NEK1: variants seen among roughly 807,000 people sequenced by gnomAD.
The protein encoded by NEK1 is serine/threonine-protein kinase Nek1.
In NEK1, 137 loss-of-function variants were observed where a neutral mutation model predicts 182.1. The observed-to-expected ratio is 0.75, with a 90% CI of 0.65 to 0.87. The LOEUF (loss-of-function observed/expected upper bound fraction) is 0.87, where lower values mean the gene tolerates loss of function less well. NEK1 is among the 40% of genes least tolerant of loss of function. The pLI is 0.00. For missense variants in NEK1, 1,391 were observed against 1,494.4 expected (o/e 0.93, Z 1.14); for synonymous variants, 513 against 492.2 (o/e 1.04, Z -0.56).
chr4:169,562,724 T>G (rs1407609987), intron 12 of NEK1, among the ~76,000 whole-genome samples: 1 of 152,168 alleles, frequency 6.6e-6, no homozygotes, highest in Non-Finnish European at 1.5e-5. Context: ...TTTACATACA[T>G]GTAATATTAA....
At chr4:169,468,933 T>C (rs1745425595) in intron 26 of NEK1, among the ~76,000 whole-genome samples, 1 of 152,236 alleles carries the variant, frequency 6.6e-6, no homozygotes, top group African/African-American at 2.4e-5. Context: ...TCTCTGATGG[T>C]AGTCTGTATT....
chr4:169,451,053 T>A lies in NEK1; in HGVS notation c.2587+12190A>T, dbSNP rs190796118. Among the ~76,000 whole-genome samples the A allele has an allele frequency of 6.4e-3, 973 of 152,286 alleles. 12 individuals carry two copies. Among genetic ancestry groups the A allele is most frequent in the African/African-American group, 0.023 (936 of 41,550 alleles). On this transcript the variant is annotated intron_variant, in intron 27 of 35. Coordinates refer to ENST00000507142, the MANE Select transcript of NEK1 (RefSeq NM_001199397.3). The stretch of plus-strand genomic sequence containing the variant: ...AGAGACAAAGAAGGCCATTACATAA[T>A]GGTAAAGGGATCAATGCAACAAGAA...
intron 19 of NEK1, among the ~76,000 whole-genome samples, chr4:169,514,931 C>T (rs983979357): frequency 6.6e-6 from 1 of 151,954 alleles, no homozygotes; most frequent in African/African-American, 2.4e-5. Flanking sequence ...TAGGAATTTA[C>T]AGTGATTTGA....
At chr4:169,504,062 A>G (rs1017003757) in intron 23 of NEK1, among the ~76,000 whole-genome samples, 2 of 152,186 alleles carry the variant, frequency 1.3e-5, no homozygotes, top group African/African-American at 4.8e-5. Context: ...AAAATGGGCA[A>G]AAGATCTAAA....
intron 18 of NEK1, among the ~76,000 whole-genome samples, chr4:169,545,093 T>C (rs1444958217): frequency 5.3e-5 from 8 of 150,664 alleles, no homozygotes; most frequent in Non-Finnish European, 1.2e-4. Context: ...AGGGTACATG[T>C]GCACATTGTG....
intron 2 of NEK1, 80 bp from the exon 3 acceptor site, chr4:169,602,758 C>CATGAGA: frequency 1.8e-6 from 1 of 570,388 alleles, no homozygotes; most frequent in Non-Finnish European, 3.1e-6. Context: ...AATTCAAATT[C>CATGAGA]TAATTCTTTA....
intron 26 of NEK1, among the ~76,000 whole-genome samples, chr4:169,469,314 G>T (rs750279281): frequency 6.6e-6 from 1 of 152,016 alleles, no homozygotes; most frequent in Admixed American, 6.6e-5. Context: ...TTCTGGTACA[G>T]TGTGTCTTTA....
intron 19 of NEK1, among the ~76,000 whole-genome samples, chr4:169,516,575 G>C (rs1055301407): frequency 2.4e-5 from 2 of 84,904 alleles, no homozygotes; most frequent in African/African-American, 6.4e-5. Flanking sequence ...TGAAGTCCTT[G>C]CCCACGCCTA....
At chr4:169,406,987 T>A (rs1164293094) in intron 31 of NEK1, among the ~76,000 whole-genome samples, 1 of 152,054 alleles carries the variant, frequency 6.6e-6, no homozygotes, top group Non-Finnish European at 1.5e-5. Flanking sequence ...GAATTTCAGC[T>A]CAGTCTTTTT....
Position 169,426,253 on chromosome 4 carries a change from C to T in NEK1, c.2886-19G>A. ...TGCCGACCTGCCACAGATGGGTACACCAATTAAAAACACACACACTTAGTT... is the reference window on the plus strand; with the variant it reads ...TGCCGACCTGCCACAGATGGGTACATCAATTAAAAACACACACACTTAGTT... On this transcript the variant is annotated intron_variant, in intron 29 of 35. Coordinates refer to ENST00000507142, the MANE Select transcript of NEK1 (RefSeq NM_001199397.3). The T allele has an allele frequency of 1.2e-6, 2 of 1,602,518 alleles. No homozygotes were observed. The highest frequency in any genetic ancestry group is 1.7e-6 in the Non-Finnish European group (2 of 1,171,548).
chr4:169,476,961 C>T (rs1747064326), intron 26 of NEK1, among the ~76,000 whole-genome samples, 163 bp downstream of exon 26: 1 of 152,054 alleles, frequency 6.6e-6, no homozygotes, highest in South Asian at 2.1e-4. Flanking sequence ...CTTCACATTT[C>T]ACTGTGAGAG....
chr4:169,568,472 A>G (rs1452619971), intron 12 of NEK1, among the ~76,000 whole-genome samples: 1 of 152,192 alleles, frequency 6.6e-6, no homozygotes, highest in Non-Finnish European at 1.5e-5. Flanking sequence ...AAGGACATTT[A>G]TAAGAATCCA....
At chr4:169,489,909 A>C (rs1749751160) in intron 23 of NEK1, among the ~76,000 whole-genome samples, 1 of 152,138 alleles carries the variant, frequency 6.6e-6, no homozygotes, top group South Asian at 2.1e-4. Flanking sequence ...CATACCTCAG[A>C]GAGTGAACTT....
At chr4:169,584,152 A>T (rs1035511863) in intron 10 of NEK1, among the ~76,000 whole-genome samples, 2 of 152,148 alleles carry the variant, frequency 1.3e-5, no homozygotes, top group Non-Finnish European at 2.9e-5. Flanking sequence ...TTGCTTCAAA[A>T]ATCTTGTGAA....
At chr4:169,522,083 A>C (rs1182036877) in intron 19 of NEK1, among the ~76,000 whole-genome samples, 1 of 152,152 alleles carries the variant, frequency 6.6e-6, no homozygotes, top group Non-Finnish European at 1.5e-5. Context: ...TCTGTTGTTC[A>C]GATAGAGAAC....
chr4:169,513,561 C>G (rs1754549473), intron 19 of NEK1, among the ~76,000 whole-genome samples: 1 of 152,250 alleles, frequency 6.6e-6, no homozygotes, highest in East Asian at 1.9e-4. Context: ...CTGTATGCCC[C>G]TTCTTGCTTT....
intron 23 of NEK1, among the ~76,000 whole-genome samples, chr4:169,481,970 T>C (rs1265569082): frequency 1.3e-5 from 2 of 152,230 alleles, no homozygotes; most frequent in Admixed American, 1.3e-4. Flanking sequence ...TTGTTTAGTA[T>C]TACCACCTTT....
intron 5 of NEK1, among the ~76,000 whole-genome samples, chr4:169,598,834 G>A (rs1770000836): frequency 6.6e-6 from 1 of 152,066 alleles, no homozygotes; most frequent in South Asian, 2.1e-4. Context: ...CAGTTATAAT[G>A]AATAATTAAG....
Position 169,508,168 on chromosome 4 carries a change from T to C in NEK1, c.1833+80A>G, listed in dbSNP as rs548696469. On this transcript the variant is annotated intron_variant, in intron 21 of 35. Transcript: ENST00000507142. ...ATCAGTTTTGTTGTTGTTGTCGTTG[T>C]TGTTAATGGCACAGCATTTTAAATG... The C allele has an allele frequency of 5.2e-5, 64 of 1,231,068 alleles. 1 individual carries two copies. In the South Asian group the frequency reaches 9.1e-4, roughly 17 times the overall value. 76.3% of individuals were successfully genotyped at this position (1,231,068 alleles called of 1,614,324 possible).
Sources: allele counts gnomAD v4.1 joint callset (sites outside exome capture counted in the v4.1 genomes callset), GRCh38; gene constraint gnomAD v4.1.1; transcripts MANE v1.5; gene names NCBI Gene and HGNC (gene_info 2026-07-23, HGNC 2026-07-21).